MGST2: variants seen among roughly 807,000 people sequenced by gnomAD.
MGST2 encodes the protein microsomal glutathione S-transferase 2.
A neutral mutation model predicts 16.6 loss-of-function variants in MGST2; 9 were observed. That is an observed-to-expected ratio of 0.54 (90% CI 0.33 to 0.95). The LOEUF is 0.95. Among genes scored for constraint, MGST2 ranks in the 40% least tolerant of loss-of-function variants. MGST2 has a pLI of 0.03. For synonymous variants in MGST2, 79 were observed against 68.0 expected (o/e 1.16, Z -0.79); for missense variants, 159 against 175.1 (o/e 0.91, Z 0.52).
chr4:139,719,483 C>T (rs371235782), intron 5 of MGST2: 19 of 1,613,904 alleles, frequency 1.2e-5, no homozygotes, highest in Non-Finnish European at 1.5e-5. Context: ...AGGGGCATTC[C>T]GCTCATAGGC....
downstream of MGST2, among the ~76,000 whole-genome samples, chr4:139,708,731 G>A (rs113290467): frequency 0.03 from 4,640 of 152,148 alleles, 167 homozygotes; most frequent in East Asian, 0.18. Flanking sequence ...GGCCAGGCGC[G>A]GTGGCTCACG....
At position 139,731,740 on chromosome 4, in the gene MGST2, T is replaced by C. The variant is rs538170821; in HGVS notation, c.*49-8472T>C. On this transcript the variant is annotated intron_variant, in intron 5 of 5. Transcript: ENST00000616265. Reference sequence around the variant, plus strand: ...GATGGCAACTTTTAAGGACTGGTCCTTAGGGAAGAGGAGGTCAAGTGGTAA... The same window carrying C: ...GATGGCAACTTTTAAGGACTGGTCCCTAGGGAAGAGGAGGTCAAGTGGTAA... Among the ~76,000 whole-genome samples the C allele has an allele frequency of 4.6e-5, 7 of 152,332 alleles. No individual in the cohort carries two copies. In the South Asian group the frequency reaches 1.5e-3, roughly 32 times the overall value.
chr4:139,727,701 T>C (rs756856563), intron 5 of MGST2, among the ~76,000 whole-genome samples: 2 of 152,248 alleles, frequency 1.3e-5, no homozygotes, highest in African/African-American at 2.4e-5. Flanking sequence ...TAAATGTGAA[T>C]TCATGCCTAC....
intron 2 of MGST2, among the ~76,000 whole-genome samples, chr4:139,690,511 C>T (rs1726515629): frequency 6.6e-6 from 1 of 152,078 alleles, no homozygotes; most frequent in Non-Finnish European, 1.5e-5. Flanking sequence ...AATGTATTAG[C>T]TGTGCTAATG....
intron 1 of MGST2, among the ~76,000 whole-genome samples, chr4:139,669,267 G>A (rs1177188084): frequency 6.6e-6 from 1 of 152,152 alleles, no homozygotes; most frequent in African/African-American, 2.4e-5. Context: ...GAGTGTGTAA[G>A]AGGGAGACAG....
chr4:139,724,694 A>C (rs1276447367), intron 5 of MGST2, among the ~76,000 whole-genome samples: 3 of 151,966 alleles, frequency 2.0e-5, no homozygotes, highest in Admixed American at 6.6e-5. Flanking sequence ...TGACCCCTGT[A>C]GCCCCCTGAA....
intron 2 of MGST2, among the ~76,000 whole-genome samples, chr4:139,681,647 A>T (rs573768232): frequency 7.7e-4 from 117 of 152,176 alleles, no homozygotes; most frequent in African/African-American, 2.7e-3. Flanking sequence ...ATATTTGAGG[A>T]TTTTAATTAT....
chr4:139,741,301 T>G (rs1729158108), downstream of MGST2, among the ~76,000 whole-genome samples: 1 of 152,178 alleles, frequency 6.6e-6, no homozygotes, highest in Non-Finnish European at 1.5e-5. Flanking sequence ...TGAGGGCCTA[T>G]GGGGGATCAG....
At chr4:139,703,955 A>G in intron 4 of MGST2, 61 bp from the exon 5 acceptor site, 1 of 1,605,226 alleles carries the variant, frequency 6.2e-7, no homozygotes, top group East Asian at 2.2e-5. Flanking sequence ...CTACCTCAGG[A>G]CTCTCAGCTT....
chr4:139,734,025 C>T (rs1280014340), intron 5 of MGST2, among the ~76,000 whole-genome samples: 1 of 152,178 alleles, frequency 6.6e-6, no homozygotes, highest in Admixed American at 6.5e-5. Flanking sequence ...GCCTTCCATA[C>T]GAAACATCTT....
chr4:139,749,534 G>A, the MGST2 span, among the ~76,000 whole-genome samples: 34 of 152,158 alleles, frequency 2.2e-4, no homozygotes, highest in Non-Finnish European at 4.7e-4. Flanking sequence ...TGGCTTATGA[G>A]CTCTGGTAAC....
intron 2 of MGST2, chr4:139,678,961 A>G: frequency 2.4e-6 from 1 of 410,678 alleles, no homozygotes; most frequent in Non-Finnish European, 4.4e-6. Context: ...AGACCACAAT[A>G]GTCTGAAGTT....
chr4:139,709,060 C>A (rs1306905000), downstream of MGST2, among the ~76,000 whole-genome samples: 3 of 116,290 alleles, frequency 2.6e-5, no homozygotes, highest in Non-Finnish European at 3.5e-5. Context: ...CTTTGTGAGA[C>A]AATGGAAAAA....
intron 2 of MGST2, among the ~76,000 whole-genome samples, chr4:139,691,312 T>C (rs936467216): frequency 6.6e-6 from 1 of 152,250 alleles, no homozygotes; most frequent in African/African-American, 2.4e-5. Context: ...GAGGATAGAA[T>C]ATATCTGCCT....
Position 139,715,255 on chromosome 4 carries a change from C to G in MGST2, c.*48+11059C>G, listed in dbSNP as rs1032861476. On this transcript the variant is annotated intron_variant, in intron 5 of 5. Transcript: ENST00000616265. This position sits in a 1 kb window ranked among gnomAD's most constrained non-coding sequence, Gnocchi z 4.4. ...CACCACTTACCCAAAGTCTTCCAAT[C>G]AGTGCTGCAGTCTATTTCCTTTGTG... is the stretch of plus-strand genomic sequence containing the variant. Among the ~76,000 whole-genome samples, 1 of 152,222 alleles carries G rather than the reference C, an allele frequency of 6.6e-6. No homozygotes were observed. Among genetic ancestry groups the G allele is most frequent in the African/African-American group, 2.4e-5 (1 of 41,462 alleles).
At chr4:139,699,965 C>G (rs551237668) in intron 3 of MGST2, among the ~76,000 whole-genome samples, 1 of 152,154 alleles carries the variant, frequency 6.6e-6, no homozygotes, top group South Asian at 2.1e-4. Flanking sequence ...CCAAGAGTTT[C>G]AGGCTGCAGT....
chr4:139,749,495 G>A, the MGST2 span, among the ~76,000 whole-genome samples: 2 of 152,158 alleles, frequency 1.3e-5, no homozygotes, highest in Non-Finnish European at 2.9e-5. Context: ...CACAGACACA[G>A]TACTCATGGC....
intron 2 of MGST2, among the ~76,000 whole-genome samples, chr4:139,685,831 T>C (rs1731529653): frequency 6.6e-6 from 1 of 151,876 alleles, no homozygotes. Flanking sequence ...ACCCGGCTAA[T>C]TTTTGTATTT....
At chr4:139,684,501 T>C (rs1731444409) in intron 2 of MGST2, among the ~76,000 whole-genome samples, 1 of 152,198 alleles carries the variant, frequency 6.6e-6, no homozygotes, top group Non-Finnish European at 1.5e-5. Flanking sequence ...ACATCTGGTA[T>C]TAATAATTCT....
Sources: gnomAD v4.1 joint callset for allele counts (sites outside exome capture counted in the v4.1 genomes callset) on GRCh38, gnomAD v4.1.1 for gene constraint, Gnocchi (gnomAD v3.1) non-coding constraint, MANE v1.5 for transcripts, NCBI Gene and HGNC (gene_info 2026-07-23, HGNC 2026-07-21) for gene names.